Variants in DENND1B observed in about 807,000 individuals in gnomAD.
The protein encoded by DENND1B is DENN domain-containing protein 1B.
A neutral mutation model predicts 90.1 loss-of-function variants in DENND1B; 59 were observed. The observed-to-expected ratio is 0.65, with a 90% CI of 0.53 to 0.81. The LOEUF is 0.81. Among genes scored for constraint, DENND1B ranks in the 40% least tolerant of loss-of-function variants. The pLI, the probability that DENND1B is intolerant of heterozygous loss-of-function variation, is 0.00. For synonymous variants in DENND1B, 337 were observed against 324.6 expected (o/e 1.04, Z -0.41); for missense variants, 862 against 912.6 (o/e 0.94, Z 0.71).
chr1:197,607,231 G>T (rs945144423), intron 12 of DENND1B, 57 bp from the exon 13 acceptor site: 6 of 1,198,030 alleles, frequency 5.0e-6, no homozygotes, highest in Non-Finnish European at 4.6e-6. Flanking sequence ...ACAAAGTTAT[G>T]ATGAGTTTGG....
At chr1:197,612,263 TAAG>T (rs1420103140) in intron 11 of DENND1B, among the ~76,000 whole-genome samples, 2 of 150,640 alleles carry the variant, frequency 1.3e-5, no homozygotes, top group East Asian at 1.9e-4. Context: ...GTTTTTACCT[TAAG>T]AAGAATATCC....
chr1:197,608,675 G>C (rs1181919441), intron 12 of DENND1B, among the ~76,000 whole-genome samples: 1 of 150,394 alleles, frequency 6.6e-6, no homozygotes, highest in Admixed American at 6.6e-5. Flanking sequence ...ATTTGTTAAG[G>C]GATAAAATGA....
intron 16 of DENND1B, 89 bp from the exon 17 acceptor site, chr1:197,546,862 T>C (rs1670850334): frequency 8.6e-7 from 1 of 1,159,244 alleles, no homozygotes; most frequent in Non-Finnish European, 1.2e-6. Flanking sequence ...ATTTGCACAA[T>C]TTTTAGTAGG....
At chr1:197,543,357 CT>C (rs1283282012) in intron 18 of DENND1B, among the ~76,000 whole-genome samples, 2 of 152,046 alleles carry the variant, frequency 1.3e-5, no homozygotes, top group African/African-American at 4.8e-5. Flanking sequence ...AACATGTTTG[CT>C]TCATTGCTGC....
intron 2 of DENND1B, among the ~76,000 whole-genome samples, chr1:197,744,569 T>C (rs888062288): frequency 2.6e-5 from 4 of 152,214 alleles, no homozygotes; most frequent in African/African-American, 9.7e-5. Context: ...TACAAACAGA[T>C]GTGCTGTCAT....
chr1:197,614,131 CA>C (rs1466556216), intron 11 of DENND1B, among the ~76,000 whole-genome samples: 1 of 146,236 alleles, frequency 6.8e-6, no homozygotes, highest in Non-Finnish European at 1.5e-5. Flanking sequence ...GTATAAAAAA[CA>C]CATTGATAAA....
At position 197,703,027 on chromosome 1, in the gene DENND1B, G is replaced by T. The variant is rs142716019; in HGVS notation, c.126+12004C>A. Among the ~76,000 whole-genome samples the T allele has an allele frequency of 2.0e-4, 30 of 151,726 alleles. No individual in the cohort carries two copies. In the East Asian group the frequency reaches 5.3e-3, roughly 27 times the overall value. On this transcript the variant is annotated intron_variant, in intron 3 of 22. Transcript: ENST00000620048. ...TTTTGAGATAGGGTCTCACTCTGTC[G>T]CCTGGGCTGGAGTGCAGTAGCAGCA...
At chr1:197,735,814 A>C in intron 2 of DENND1B, 1 of 1,609,734 alleles carries the variant, frequency 6.2e-7, no homozygotes, top group Admixed American at 1.7e-5. Flanking sequence ...AAGAAGCACA[A>C]AAAGGGACAA....
intron 10 of DENND1B, among the ~76,000 whole-genome samples, chr1:197,625,616 A>G (rs1398186116): frequency 2.0e-5 from 3 of 152,072 alleles, no homozygotes; most frequent in Non-Finnish European, 4.4e-5. Context: ...CTAACGAGCA[A>G]AATCACCAGC....
chr1:197,752,675 G>C (rs1478387786), intron 2 of DENND1B, among the ~76,000 whole-genome samples: 1 of 151,342 alleles, frequency 6.6e-6, no homozygotes, highest in Non-Finnish European at 1.5e-5. Flanking sequence ...TAAGTTCTAG[G>C]GTACATGTAC....
At chr1:197,723,422 G>C (rs997834929) in intron 2 of DENND1B, among the ~76,000 whole-genome samples, 1 of 151,916 alleles carries the variant, frequency 6.6e-6, no homozygotes, top group Non-Finnish European at 1.5e-5. Context: ...CTGTCCCAAG[G>C]GCCCTTCATG....
intron 18 of DENND1B, chr1:197,545,670 A>G (rs1042485009): frequency 2.4e-5 from 9 of 373,594 alleles, no homozygotes; most frequent in African/African-American, 8.5e-5. Flanking sequence ...AACTGTTTCA[A>G]TTTGCTGCAC....
chr1:197,675,581 A>G (rs1314734997), intron 3 of DENND1B, among the ~76,000 whole-genome samples: 1 of 152,152 alleles, frequency 6.6e-6, no homozygotes, highest in Non-Finnish European at 1.5e-5. Context: ...TGTTAAATGT[A>G]GTTAAAAGAG....
chr1:197,599,621 A>G (rs533766231), intron 13 of DENND1B, among the ~76,000 whole-genome samples: 26 of 151,832 alleles, frequency 1.7e-4, no homozygotes, highest in Non-Finnish European at 2.7e-4. Context: ...TATCACATGA[A>G]TTAGATATTA....
chr1:197,747,036 T>C, intron 2 of DENND1B: 1 of 814,648 alleles, frequency 1.2e-6, no homozygotes, highest in Non-Finnish European at 2.2e-6. Context: ...GGCGTTCAAA[T>C]CAATCATTGA....
intron 11 of DENND1B, among the ~76,000 whole-genome samples, chr1:197,617,065 T>C: frequency 6.6e-6 from 1 of 151,060 alleles, no homozygotes; most frequent in Non-Finnish European, 1.5e-5. Context: ...TTGTGTCTAA[T>C]GCCAGGAAAC....
chr1:197,726,017 C>CAT (rs1403507025), intron 2 of DENND1B, among the ~76,000 whole-genome samples: 2 of 151,508 alleles, frequency 1.3e-5, no homozygotes, highest in African/African-American at 2.4e-5. Context: ...CACACACACA[C>CAT]ATATATATAC....
chr1:197,752,034 AAGG>A (rs1433251165), intron 2 of DENND1B, among the ~76,000 whole-genome samples: 129 of 151,364 alleles, frequency 8.5e-4, no homozygotes, highest in Non-Finnish European at 8.8e-4. Flanking sequence ...GGAGGAGGAG[AAGG>A]AGAAGAGGAG....
intron 5 of DENND1B, among the ~76,000 whole-genome samples, chr1:197,663,746 T>C (rs887424841): frequency 3.9e-5 from 6 of 152,068 alleles, no homozygotes; most frequent in African/African-American, 1.4e-4. Flanking sequence ...CAACTTCCTA[T>C]TGTTAGGCAC....
Sources: allele counts gnomAD v4.1 joint callset (sites outside exome capture counted in the v4.1 genomes callset), GRCh38; gene constraint gnomAD v4.1.1; transcripts MANE v1.5; gene names NCBI Gene and HGNC (gene_info 2026-07-23, HGNC 2026-07-21).